Variants in RPS6KB1 observed in about 807,000 individuals in gnomAD.
The protein encoded by RPS6KB1 is ribosomal protein S6 kinase beta-1.
Under a neutral mutation model 70.2 loss-of-function variants are expected in RPS6KB1, and 12 were observed. That is an observed-to-expected ratio of 0.17 (90% CI 0.11 to 0.28). The LOEUF (loss-of-function observed/expected upper bound fraction) is 0.28, where lower values mean the gene tolerates loss of function less well. Among genes scored for constraint, RPS6KB1 ranks in the 10% least tolerant of loss-of-function variants. The probability of loss-of-function intolerance (pLI) is 1.00; values close to 1 mark genes in which losing one functional copy is unlikely to be tolerated. For missense variants in RPS6KB1, 270 were observed against 646.6 expected (o/e 0.42, Z 6.32); for synonymous variants, 175 against 211.2 (o/e 0.83, Z 1.49).
Position 59,929,971 on chromosome 17 carries a change from A to G in RPS6KB1, c.530-146A>G, listed in dbSNP as rs8073492. 3.0e-3 allele frequency: 1,741 copies of G among 571,440 alleles called. 24 individuals are homozygous for G. Among genetic ancestry groups the G allele is most frequent in the African/African-American group, 0.03 (1,573 of 51,890 alleles). The allele number at this position is 571,440 out of a possible 1,614,324, so 35.4% of individuals were successfully genotyped here. On this transcript the variant is annotated intron_variant, in intron 5 of 14. Coordinates refer to ENST00000225577, the MANE Select transcript of RPS6KB1 (RefSeq NM_003161.4). ...AGAATCCTGAGGACTTAGTTTTAAA[A>G]CCTATAATTTTTAGGATCTGTTTTT...
At chr17:59,929,605 A>G (rs958485496) in intron 5 of RPS6KB1, among the ~76,000 whole-genome samples, 14 of 152,220 alleles carry the variant, frequency 9.2e-5, no homozygotes, top group African/African-American at 2.9e-4. Context: ...ATATCATTCA[A>G]TGTGATATAA....
chr17:59,906,786 C>T (rs142309766), intron 1 of RPS6KB1, among the ~76,000 whole-genome samples: 319 of 152,100 alleles, frequency 2.1e-3, no homozygotes, highest in Non-Finnish European at 3.4e-3. Context: ...GTCTGCCTTA[C>T]GGGTTCAAGC....
intron 12 of RPS6KB1, among the ~76,000 whole-genome samples, chr17:59,937,588 C>T (rs1442628480): frequency 5.3e-4 from 77 of 146,046 alleles, no homozygotes; most frequent in Admixed American, 8.8e-4. Flanking sequence ...GTGCATCACC[C>T]GGATCTCTGC....
intron 9 of RPS6KB1, 35 bp from the exon 10 acceptor site, chr17:59,935,158 C>A: frequency 7.6e-7 from 1 of 1,313,548 alleles, no homozygotes; most frequent in Non-Finnish European, 1.1e-6. Context: ...TTTTTCTCTC[C>A]CTGCTAATAT....
chr17:59,933,228 ATATACT>A (rs1163067787), intron 7 of RPS6KB1, among the ~76,000 whole-genome samples: 2 of 150,858 alleles, frequency 1.3e-5, no homozygotes, highest in East Asian at 1.9e-4. Flanking sequence ...AGGAGAAATG[ATATACT>A]TAACTGAATA....
At chr17:59,910,874 CCA>C (rs1213846452) in intron 2 of RPS6KB1, among the ~76,000 whole-genome samples, 1 of 152,118 alleles carries the variant, frequency 6.6e-6, no homozygotes, top group Non-Finnish European at 1.5e-5. Context: ...GTTTAAAGAG[CCA>C]CAGTTTTAAT....
intron 6 of RPS6KB1, 142 bp downstream of exon 6, chr17:59,930,316 G>T: frequency 2.8e-6 from 2 of 707,400 alleles, no homozygotes; most frequent in Non-Finnish European, 5.2e-6. Flanking sequence ...GCAGTTTTGG[G>T]ACTGGGCAGC....
intron 1 of RPS6KB1, among the ~76,000 whole-genome samples, chr17:59,906,068 G>A (rs2042247660): frequency 6.6e-6 from 1 of 152,126 alleles, no homozygotes; most frequent in Non-Finnish European, 1.5e-5. Flanking sequence ...ATCATTATTT[G>A]ATTTGTATGT....
intron 4 of RPS6KB1, among the ~76,000 whole-genome samples, chr17:59,921,707 A>G (rs1348324759): frequency 6.6e-6 from 1 of 152,198 alleles, no homozygotes; most frequent in Non-Finnish European, 1.5e-5. Context: ...GGAAAAGACT[A>G]TCAACAGCCA....
At chr17:59,942,808 C>T (rs555707231) in intron 13 of RPS6KB1, among the ~76,000 whole-genome samples, 5 of 151,948 alleles carry the variant, frequency 3.3e-5, no homozygotes, top group Non-Finnish European at 7.4e-5. Flanking sequence ...GGTGAAACCC[C>T]ATCTCTACTA....
intron 1 of RPS6KB1, among the ~76,000 whole-genome samples, chr17:59,894,688 T>C (rs1220751597): frequency 6.6e-6 from 1 of 152,200 alleles, no homozygotes; most frequent in African/African-American, 2.4e-5. Flanking sequence ...CACTGCAATC[T>C]CAGCCTCCTG....
At chr17:59,945,728 G>A (rs372847052) in intron 14 of RPS6KB1, among the ~76,000 whole-genome samples, 2 of 152,154 alleles carry the variant, frequency 1.3e-5, no homozygotes, top group African/African-American at 4.8e-5. Context: ...AAAGTAAGCA[G>A]CCATACTGGC....
At chr17:59,897,839 C>G (rs1315601526) in intron 1 of RPS6KB1, among the ~76,000 whole-genome samples, 3 of 152,000 alleles carry the variant, frequency 2.0e-5, no homozygotes, top group Non-Finnish European at 4.4e-5. Context: ...GTGGTGCACA[C>G]CTCTAGTCCC....
At chr17:59,896,640 G>A (rs1298072871) in intron 1 of RPS6KB1, among the ~76,000 whole-genome samples, 2 of 152,078 alleles carry the variant, frequency 1.3e-5, no homozygotes, top group African/African-American at 4.8e-5. Flanking sequence ...GGTGTGAGGA[G>A]GAGGTCAGAA....
In RPS6KB1 at chr17:59,893,340, C is replaced by T. The variant is rs929813540; in HGVS notation, c.141+15C>T. The T allele has an allele frequency of 1.9e-6, 3 of 1,589,340 alleles. No individual in the cohort carries two copies. Among genetic ancestry groups the T allele is most frequent in the Non-Finnish European group, 2.6e-6 (3 of 1,168,136 alleles). ...TGGAGGAGGGGGTGAGGCCCGGGGT[C>T]CCCGGGGGCCCGAGGTGACAGGGCC... On this transcript the variant is annotated intron_variant, in intron 1 of 14. Coordinates refer to ENST00000225577, the MANE Select transcript of RPS6KB1 (RefSeq NM_003161.4). The surrounding 1 kb of genome is among the most constrained non-coding windows in gnomAD (Gnocchi z 4.1).
intron 4 of RPS6KB1, among the ~76,000 whole-genome samples, chr17:59,915,020 G>A (rs1355643012): frequency 5.3e-5 from 8 of 150,516 alleles, no homozygotes; most frequent in South Asian, 4.2e-4. Context: ...ACGTAGTCGC[G>A]CTCTGTCGCC....
At chr17:59,896,727 C>A (rs1214271963) in intron 1 of RPS6KB1, among the ~76,000 whole-genome samples, 1 of 151,896 alleles carries the variant, frequency 6.6e-6, no homozygotes, top group Non-Finnish European at 1.5e-5. Context: ...AGAGCAAAGG[C>A]AATTAAAGAG....
At chr17:59,910,915 G>T (rs1213512286) in intron 2 of RPS6KB1, among the ~76,000 whole-genome samples, 1 of 152,128 alleles carries the variant, frequency 6.6e-6, no homozygotes, top group African/African-American at 2.4e-5. Context: ...TTGTAGAAAT[G>T]CCTCAAAAAG....
At chr17:59,896,058 A>G (rs2041538554) in intron 1 of RPS6KB1, among the ~76,000 whole-genome samples, 1 of 152,222 alleles carries the variant, frequency 6.6e-6, no homozygotes, top group Non-Finnish European at 1.5e-5. Flanking sequence ...ACCATATACC[A>G]TACTCTTTAT....
Sources: gnomAD v4.1 joint callset for allele counts (sites outside exome capture counted in the v4.1 genomes callset) on GRCh38, gnomAD v4.1.1 for gene constraint, Gnocchi (gnomAD v3.1) non-coding constraint, MANE v1.5 for transcripts, NCBI Gene and HGNC (gene_info 2026-07-23, HGNC 2026-07-21) for gene names.